The following ME1 variants were observed in gnomAD, a reference collection of about 807,000 sequenced individuals.
The protein encoded by ME1 is malic enzyme 1, also known as NADP-dependent malic enzyme.
Under a neutral mutation model 66.4 loss-of-function variants are expected in ME1, and 74 were observed. The observed-to-expected ratio is 1.11, with a 90% CI of 0.92 to 1.35. The LOEUF is 1.35. Ranked by LOEUF, ME1 falls within the 40% of genes most tolerant of loss-of-function variation. ME1 has a pLI of 0.00. For synonymous variants in ME1, 251 were observed against 235.6 expected (o/e 1.07, Z -0.60); for missense variants, 750 against 694.1 (o/e 1.08, Z -0.90).
intron 12 of ME1, among the ~76,000 whole-genome samples, chr6:83,219,985 T>A (rs1425626134): frequency 6.6e-6 from 1 of 152,126 alleles, no homozygotes; most frequent in African/African-American, 2.4e-5. Context: ...AGTGTATAGA[T>A]TGTTAGCTAT....
At chr6:83,283,536 T>C (rs1767345505) in intron 6 of ME1, among the ~76,000 whole-genome samples, 1 of 152,040 alleles carries the variant, frequency 6.6e-6, no homozygotes, top group Non-Finnish European at 1.5e-5. Flanking sequence ...CATGTATACC[T>C]GTGTAACAAA....
Position 83,253,732 on chromosome 6 carries a change from G to A in ME1, c.711C>T (p.Gly237=). ...EFMEAVSSKY[G]MNCLIQFEDF... is the part of the protein sequence containing the mutation. The stretch of plus-strand genomic sequence containing the variant: ...CTTCAAACTGAATAAGGCAATTCAT[G>A]CCATACCTATGGGACAAAAACATTC... Residue 237 remains glycine, a synonymous_variant, in exon 7 of 14, where the codon GGC becomes GGT. Coordinates refer to ENST00000369705, the MANE Select transcript of ME1 (RefSeq NM_002395.6). The A allele has an allele frequency of 2.5e-6, 4 of 1,568,952 alleles. No homozygotes were observed. The highest frequency in any genetic ancestry group is 3.5e-6 in the Non-Finnish European group (4 of 1,140,434).
chr6:83,405,118 T>A (rs1439393736), intron 2 of ME1, among the ~76,000 whole-genome samples: 1 of 152,238 alleles, frequency 6.6e-6, no homozygotes. Context: ...TTTCACAATA[T>A]TGATTCTTCC....
chr6:83,387,481 A>G (rs1022206068), intron 3 of ME1, among the ~76,000 whole-genome samples: 1 of 152,140 alleles, frequency 6.6e-6, no homozygotes, highest in Non-Finnish European at 1.5e-5. Flanking sequence ...ACATCTGCAG[A>G]AACTATATGT....
Position 83,211,062 on chromosome 6 carries a change from A to G in ME1, c.*862T>C, listed in dbSNP as rs1789861651. 1 of 152,208 alleles carries G rather than the reference A, an allele frequency of 6.6e-6. No homozygotes were observed. Among genetic ancestry groups the G allele is most frequent in the Non-Finnish European group, 1.5e-5 (1 of 68,042 alleles). 9.4% of individuals were successfully genotyped at this position (152,208 alleles called of 1,614,324 possible). A position where few individuals can be genotyped will look rare whatever the true frequency, so the allele number is the denominator to read the frequency against. On this transcript the variant is annotated 3_prime_UTR_variant, in exon 14 of 14. Transcript: ENST00000369705. ...TCTTAAAGATCCTGAGATCTTTAAG[A>G]GGTCAGTTCCTCAGGCAGCCCTTTC...
chr6:83,233,982 T>C (rs569024174), intron 9 of ME1, among the ~76,000 whole-genome samples: 2 of 152,104 alleles, frequency 1.3e-5, no homozygotes, highest in African/African-American at 2.4e-5. Context: ...CCTTTTAAAA[T>C]GTAATTTTAT....
intron 3 of ME1, among the ~76,000 whole-genome samples, chr6:83,380,767 T>A (rs951717241): frequency 6.6e-6 from 1 of 151,970 alleles, no homozygotes; most frequent in South Asian, 2.1e-4. Context: ...CGAGTAATAA[T>A]CTTAGGAAAA....
intron 9 of ME1, among the ~76,000 whole-genome samples, chr6:83,229,444 C>T (rs1485939750): frequency 1.3e-5 from 2 of 151,980 alleles, no homozygotes; most frequent in Non-Finnish European, 2.9e-5. Flanking sequence ...TATGAATGCG[C>T]CATGTGTTAT....
intron 6 of ME1, among the ~76,000 whole-genome samples, chr6:83,286,821 A>C (rs1178448501): frequency 6.6e-6 from 1 of 152,180 alleles, no homozygotes; most frequent in Non-Finnish European, 1.5e-5. Flanking sequence ...GTAGCCTCAC[A>C]GTACTCTATG....
At chr6:83,404,720 C>T (rs1769905549) in intron 2 of ME1, among the ~76,000 whole-genome samples, 1 of 152,184 alleles carries the variant, frequency 6.6e-6, no homozygotes, top group Admixed American at 6.5e-5. Flanking sequence ...CAGTTTTCTG[C>T]ATATGACTAG....
chr6:83,340,013 C>T (rs899141324), intron 5 of ME1, among the ~76,000 whole-genome samples: 3 of 147,820 alleles, frequency 2.0e-5, no homozygotes, highest in Non-Finnish European at 4.5e-5. Context: ...TACTATATAA[C>T]ATTAGAAGAA....
At chr6:83,293,787 A>G (rs1479346081) in intron 6 of ME1, among the ~76,000 whole-genome samples, 1 of 152,158 alleles carries the variant, frequency 6.6e-6, no homozygotes, top group Non-Finnish European at 1.5e-5. Flanking sequence ...TCTTTTGCCC[A>G]ATTCCTATTT....
intron 1 of ME1, 33 bp downstream of exon 1, chr6:83,430,844 C>A: frequency 1.3e-6 from 2 of 1,558,004 alleles, no homozygotes; most frequent in Non-Finnish European, 1.8e-6. Flanking sequence ...TAGAGAGGGG[C>A]CGATGGGCGG....
At position 83,253,792 on chromosome 6, in the gene ME1, A is replaced by G. The variant is rs568218827; in HGVS notation, c.705-54T>C. ...GAGGTTAATAAAATGCTATTTAAAA[A>G]TAAACTTTTAAAATTAGCCCATAGA... On this transcript the variant is annotated intron_variant, in intron 6 of 13. Transcript: ENST00000369705. The G allele has an allele frequency of 6.5e-6, 6 of 919,508 alleles. No individual in the cohort carries two copies. In the Admixed American group the frequency reaches 1.0e-4, roughly 16 times the overall value. The allele number at this position is 919,508 out of a possible 1,614,324, so 57.0% of individuals were successfully genotyped here.
chr6:83,350,049 A>G (rs1201905183), intron 4 of ME1, among the ~76,000 whole-genome samples: 1 of 152,212 alleles, frequency 6.6e-6, no homozygotes, highest in African/African-American at 2.4e-5. Flanking sequence ...ATGAATAAAT[A>G]AGGCACCTAT....
intron 2 of ME1, among the ~76,000 whole-genome samples, chr6:83,400,699 C>G (rs1300506783): frequency 2.0e-5 from 3 of 152,154 alleles, no homozygotes; most frequent in Non-Finnish European, 4.4e-5. Flanking sequence ...GCCAGTCTTT[C>G]TGAAATTATA....
At chr6:83,416,234 G>A (rs1489594068) in intron 1 of ME1, among the ~76,000 whole-genome samples, 1 of 152,126 alleles carries the variant, frequency 6.6e-6, no homozygotes, top group Non-Finnish European at 1.5e-5. Flanking sequence ...ATGAGACCAG[G>A]TGTTTTTGCA....
intron 1 of ME1, 152 bp downstream of exon 1, chr6:83,430,725 C>T: frequency 1.6e-6 from 1 of 621,946 alleles, no homozygotes; most frequent in Non-Finnish European, 2.8e-6. Context: ...CTTCCTTCTG[C>T]CCACACCAAG....
At chr6:83,235,164 C>G (rs1005602893) in intron 9 of ME1, among the ~76,000 whole-genome samples, 3 of 152,136 alleles carry the variant, frequency 2.0e-5, no homozygotes, top group Non-Finnish European at 1.5e-5. Flanking sequence ...TGATATCTTC[C>G]TCAGTACTCC....
Sources: allele counts gnomAD v4.1 joint callset (sites outside exome capture counted in the v4.1 genomes callset), GRCh38; gene constraint gnomAD v4.1.1; transcripts MANE v1.5; gene names NCBI Gene and HGNC (gene_info 2026-07-23, HGNC 2026-07-21).